PTPRD: variants seen among roughly 807,000 people sequenced by gnomAD.
PTPRD encodes the protein protein tyrosine phosphatase receptor type D, also known as receptor-type tyrosine-protein phosphatase delta.
Under a neutral mutation model 214.5 loss-of-function variants are expected in PTPRD, and 34 were observed. The ratio of observed to expected loss-of-function variants is 0.16; its 90% confidence interval spans 0.12 to 0.21. The LOEUF is 0.21. Among genes scored for constraint, PTPRD ranks in the 10% least tolerant of loss-of-function variants. The pLI, the probability that PTPRD is intolerant of heterozygous loss-of-function variation, is 1.00. For synonymous variants in PTPRD, 1,128 were observed against 845.7 expected, an observed-to-expected ratio of 1.33 and a Z score of -5.79; for missense variants, 2,545 against 2,398.7, an observed-to-expected ratio of 1.06 and a Z score of -1.27.
In PTPRD at chr9:9,971,068, T is replaced by A. The variant is rs541143654; in HGVS notation, c.-471-32458A>T. Among the ~76,000 whole-genome samples the A allele has an allele frequency of 3.9e-5, 6 of 152,296 alleles. No individual in the cohort carries two copies. In the East Asian group the frequency reaches 5.8e-4, roughly 15 times the overall value. Reference sequence around the variant, plus strand: ...AGTAACAACCTACAAAGATAGAAAATTTTTAATTGGTTCTATTTGTCACCC... The same window carrying A: ...AGTAACAACCTACAAAGATAGAAAAATTTTAATTGGTTCTATTTGTCACCC... On this transcript the variant is annotated intron_variant, in intron 4 of 45. Coordinates refer to ENST00000381196, the MANE Select transcript of PTPRD (RefSeq NM_002839.4).
intron 11 of PTPRD, among the ~76,000 whole-genome samples, chr9:8,771,962 T>C (rs1019981028): frequency 9.2e-5 from 14 of 152,066 alleles, no homozygotes; most frequent in African/African-American, 3.4e-4. Flanking sequence ...TATCAGACTG[T>C]AAGAATAATT....
chr9:9,865,445 G>C lies in PTPRD; in HGVS notation c.-368+73062C>G, dbSNP rs557413264. 7.2e-5 allele frequency among the ~76,000 whole-genome samples: 11 copies of C among 152,270 alleles called. No homozygotes were observed. In the South Asian group the frequency reaches 2.3e-3, roughly 32 times the overall value. ...GACAGAAGCCTTTGCTAACATATAA[G>C]CGTGCTCAGCCCCTTTGCCATGTGA... On this transcript the variant is annotated intron_variant, in intron 5 of 45. Coordinates refer to ENST00000381196, the MANE Select transcript of PTPRD (RefSeq NM_002839.4).
At chr9:9,817,684 C>A (rs1255433776) in intron 5 of PTPRD, among the ~76,000 whole-genome samples, 1 of 152,064 alleles carries the variant, frequency 6.6e-6, no homozygotes, top group East Asian at 1.9e-4. Flanking sequence ...AACAAACGGG[C>A]TAAGGGGTTA....
intron 9 of PTPRD, among the ~76,000 whole-genome samples, chr9:9,328,253 A>G (rs2040820165): frequency 6.6e-6 from 1 of 152,162 alleles, no homozygotes; most frequent in Non-Finnish European, 1.5e-5. Context: ...GTTTTAAGGA[A>G]GAAGAGACAC....
chr9:10,044,716 T>C (rs2097358370), intron 3 of PTPRD, among the ~76,000 whole-genome samples: 1 of 151,494 alleles, frequency 6.6e-6, no homozygotes, highest in Non-Finnish European at 1.5e-5. Flanking sequence ...TCAGAGAGAG[T>C]AAGTAATAGA....
intron 44 of PTPRD, among the ~76,000 whole-genome samples, chr9:8,331,232 T>A (rs1032304859): frequency 6.7e-6 from 1 of 150,304 alleles, no homozygotes; most frequent in Admixed American, 6.6e-5. Context: ...AGAAAGACAG[T>A]TATCAGTGCA....
intron 11 of PTPRD, among the ~76,000 whole-genome samples, chr9:8,928,132 T>C (rs1046190662): frequency 6.6e-6 from 1 of 152,160 alleles, no homozygotes; most frequent in African/African-American, 2.4e-5. Context: ...ATTGCAAAAA[T>C]TTTCTCCCAT....
At position 9,127,214 on chromosome 9, in the gene PTPRD, A is replaced by T. The variant is rs188114739; in HGVS notation, c.-143+56090T>A. Among the ~76,000 whole-genome samples the T allele has an allele frequency of 1.1e-4, 17 of 152,322 alleles. No homozygotes were observed. In the East Asian group the frequency reaches 3.3e-3, roughly 29 times the overall value. ...ATGGGAAAACGAGAATACCTGGAAAAAATCCACACCAACATGGGGAAAATG... is the reference window on the plus strand; with the variant it reads ...ATGGGAAAACGAGAATACCTGGAAATAATCCACACCAACATGGGGAAAATG... On this transcript the variant is annotated intron_variant, in intron 10 of 45. Coordinates refer to ENST00000381196, the MANE Select transcript of PTPRD (RefSeq NM_002839.4).
chr9:8,951,707 T>G (rs976537174), intron 11 of PTPRD, among the ~76,000 whole-genome samples: 37 of 152,046 alleles, frequency 2.4e-4, no homozygotes, highest in African/African-American at 8.7e-4. Flanking sequence ...TGATTTACTT[T>G]CAGATACAGT....
intron 2 of PTPRD, among the ~76,000 whole-genome samples, chr9:10,503,711 A>G (rs2133354910): frequency 6.6e-6 from 1 of 152,236 alleles, no homozygotes; most frequent in East Asian, 1.9e-4. Flanking sequence ...GATTAAAGAT[A>G]AATGAATAGA....
chr9:10,334,633 G>A (rs749581777), intron 3 of PTPRD, among the ~76,000 whole-genome samples: 69 of 151,146 alleles, frequency 4.6e-4, no homozygotes, highest in Non-Finnish European at 9.2e-4. Flanking sequence ...CTTTGCTTGC[G>A]GATGACAAGA....
intron 8 of PTPRD, among the ~76,000 whole-genome samples, chr9:9,458,482 T>A (rs377547558): frequency 1.3e-5 from 2 of 152,114 alleles, no homozygotes; most frequent in African/African-American, 4.8e-5. Flanking sequence ...AGTGTGCATG[T>A]CTTTACTTCA....
chr9:10,606,298 G>C (rs1169885190), intron 2 of PTPRD, among the ~76,000 whole-genome samples: 1 of 151,776 alleles, frequency 6.6e-6, no homozygotes, highest in African/African-American at 2.4e-5. Context: ...TCTGTCTCTA[G>C]CGTGAGATTA....
chr9:8,565,255 T>G (rs2088504596), intron 14 of PTPRD, among the ~76,000 whole-genome samples: 1 of 152,212 alleles, frequency 6.6e-6, no homozygotes, highest in East Asian at 1.9e-4. Flanking sequence ...TGACAACTCT[T>G]CGCACAATGA....
intron 9 of PTPRD, among the ~76,000 whole-genome samples, chr9:9,307,499 G>T (rs909309706): frequency 6.6e-6 from 1 of 152,058 alleles, no homozygotes. Context: ...GTCTTCTTTA[G>T]CTATCTCTCA....
chr9:8,664,638 T>C (rs1379172514), intron 12 of PTPRD, among the ~76,000 whole-genome samples: 2 of 152,232 alleles, frequency 1.3e-5, no homozygotes, highest in Non-Finnish European at 2.9e-5. Flanking sequence ...ATAGCTCTGG[T>C]GTTTATGGTA....
chr9:8,952,692 A>C (rs2099109329), intron 11 of PTPRD, among the ~76,000 whole-genome samples: 1 of 151,908 alleles, frequency 6.6e-6, no homozygotes, highest in Admixed American at 6.6e-5. Context: ...GGAAGAAAAA[A>C]TATTATTTAT....
intron 36 of PTPRD, among the ~76,000 whole-genome samples, chr9:8,396,533 C>G (rs10815852): frequency 0.087 from 13,173 of 151,960 alleles, 1,434 homozygotes; most frequent in East Asian, 0.5. Flanking sequence ...CAAAAAAGCT[C>G]CAATGAACTG....
chr9:8,567,895 T>C (rs1381129420), intron 14 of PTPRD, among the ~76,000 whole-genome samples: 3 of 152,168 alleles, frequency 2.0e-5, no homozygotes, highest in African/African-American at 7.2e-5. Flanking sequence ...TCTTGTATAC[T>C]GTGACATTTT....
Sources: allele counts gnomAD v4.1 joint callset (sites outside exome capture counted in the v4.1 genomes callset), GRCh38; gene constraint gnomAD v4.1.1; transcripts MANE v1.5; gene names NCBI Gene and HGNC (gene_info 2026-07-23, HGNC 2026-07-21).